MAPRE2: variants seen among roughly 807,000 people sequenced by gnomAD.
MAPRE2 encodes the protein microtubule-associated protein RP/EB family member 2.
A neutral mutation model predicts 43.2 loss-of-function variants in MAPRE2; 13 were observed. That is an observed-to-expected ratio of 0.30 (90% CI 0.20 to 0.48). The LOEUF (loss-of-function observed/expected upper bound fraction) is 0.48, where lower values mean the gene tolerates loss of function less well. MAPRE2 is among the 20% of genes least tolerant of loss of function. The pLI, the probability that MAPRE2 is intolerant of heterozygous loss-of-function variation, is 0.99. For missense variants in MAPRE2, 161 were observed against 400.2 expected (o/e 0.40, Z 5.10); for synonymous variants, 135 against 148.8 (o/e 0.91, Z 0.68).
chr18:35,046,554 G>T (rs1322368067), intron 1 of MAPRE2, among the ~76,000 whole-genome samples: 1 of 152,204 alleles, frequency 6.6e-6, no homozygotes, highest in East Asian at 1.9e-4. Context: ...AAGCAGGCGG[G>T]GTAGTTGGAA....
chr18:35,042,895 T>G (rs1362234521), intron 1 of MAPRE2, among the ~76,000 whole-genome samples: 2 of 149,930 alleles, frequency 1.3e-5, no homozygotes, highest in African/African-American at 5.0e-5. Flanking sequence ...CCTTTCTCTT[T>G]GGCCAAAGAA....
chr18:35,047,880 G>A (rs1174416865), intron 1 of MAPRE2, among the ~76,000 whole-genome samples: 1 of 152,166 alleles, frequency 6.6e-6, no homozygotes, highest in Non-Finnish European at 1.5e-5. Flanking sequence ...ACAGCTTTGA[G>A]TGATGGTGTC....
rs1910640411 is a variant in MAPRE2 at position 35,141,578 on chromosome 18, CATT to C, written c.*1211_*1213del. The C allele has an allele frequency of 6.6e-6, 1 of 152,216 alleles. No homozygotes were observed. The highest frequency in any genetic ancestry group is 2.1e-4 in the South Asian group (1 of 4,834). The allele number at this position is 152,216 out of a possible 1,614,324, so 9.4% of individuals were successfully genotyped here. ...CATGGCAATTCATAAATAGAGGAAA[CATT>C]AATGAATTAAAAGCATTCCTTATTT... On this transcript the variant is annotated 3_prime_UTR_variant, in exon 7 of 7. Transcript: ENST00000300249.
At chr18:35,133,522 A>G (rs991226206) in intron 6 of MAPRE2, among the ~76,000 whole-genome samples, 11 of 152,090 alleles carry the variant, frequency 7.2e-5, no homozygotes, top group African/African-American at 2.7e-4. Context: ...TTCTCTTCAC[A>G]AGCTTATTTG....
intron 2 of MAPRE2, among the ~76,000 whole-genome samples, chr18:35,079,358 T>C (rs541798124): frequency 1.3e-5 from 2 of 152,314 alleles, no homozygotes; most frequent in African/African-American, 4.8e-5. Flanking sequence ...TTTAATCCAG[T>C]TCAATAAACC....
At chr18:35,132,918 G>C (rs1305968767) in intron 6 of MAPRE2, among the ~76,000 whole-genome samples, 1 of 152,202 alleles carries the variant, frequency 6.6e-6, no homozygotes, top group African/African-American at 2.4e-5. Context: ...AGGAGAGAGA[G>C]GCCCAGCAGC....
intron 1 of MAPRE2, among the ~76,000 whole-genome samples, chr18:34,985,758 T>G (rs1048548572): frequency 3.7e-5 from 5 of 135,488 alleles, no homozygotes; most frequent in Non-Finnish European, 6.1e-5. Flanking sequence ...ATGTAATATA[T>G]AAAATATATT....
At chr18:35,020,472 C>T (rs749551229) in intron 2 of MAPRE2, among the ~76,000 whole-genome samples, 4 of 151,538 alleles carry the variant, frequency 2.6e-5, no homozygotes, top group African/African-American at 7.3e-5. Context: ...AACATTACTT[C>T]GGTTTATAAG....
At chr18:35,070,047 G>A in intron 1 of MAPRE2, 148 bp from the exon 2 acceptor site, 3 of 480,906 alleles carry the variant, frequency 6.2e-6, no homozygotes, top group Non-Finnish European at 1.1e-5. Flanking sequence ...ATGCAAATAT[G>A]TAAAATAGAA....
At chr18:35,126,486 G>A (rs954717365) in intron 4 of MAPRE2, among the ~76,000 whole-genome samples, 13 of 152,310 alleles carry the variant, frequency 8.5e-5, no homozygotes, top group African/African-American at 2.9e-4. Flanking sequence ...TACTTTAGTG[G>A]CTAAAGCTAG....
chr18:35,130,872 G>A (rs1910115238), intron 5 of MAPRE2, among the ~76,000 whole-genome samples: 1 of 152,158 alleles, frequency 6.6e-6, no homozygotes, highest in Non-Finnish European at 1.5e-5. Flanking sequence ...AGCTCTGGGT[G>A]TCCGAGTTCT....
Position 35,140,438 on chromosome 18 carries a change from G to A in MAPRE2, c.*69G>A. 1 of 1,428,100 alleles carries A rather than the reference G, an allele frequency of 7.0e-7. No homozygotes were observed. The highest frequency in any genetic ancestry group is 9.6e-7 in the Non-Finnish European group (1 of 1,038,806). The allele number at this position is 1,428,100 out of a possible 1,614,324, so 88.5% of individuals were successfully genotyped here. On this transcript the variant is annotated 3_prime_UTR_variant, in exon 7 of 7. Transcript: ENST00000300249. Reference sequence around the variant, plus strand: ...TTTCTTCTGGAGAATTGGAACATGTGTGGCCCCAAGCTCAACAGAAACCAG... The same window carrying A: ...TTTCTTCTGGAGAATTGGAACATGTATGGCCCCAAGCTCAACAGAAACCAG...
chr18:35,136,102 T>A (rs771589002), intron 6 of MAPRE2, among the ~76,000 whole-genome samples: 7 of 152,184 alleles, frequency 4.6e-5, no homozygotes, highest in Non-Finnish European at 1.0e-4. Context: ...GGTGGGAGTT[T>A]TGAGCAGAAA....
upstream of MAPRE2, among the ~76,000 whole-genome samples, chr18:35,038,915 C>G (rs569460493): frequency 6.6e-6 from 1 of 152,176 alleles, no homozygotes; most frequent in African/African-American, 2.4e-5. Flanking sequence ...GCCCTTGGGG[C>G]CCTTCACCTG....
At chr18:35,056,045 A>G (rs1167128788) in intron 1 of MAPRE2, among the ~76,000 whole-genome samples, 1 of 151,696 alleles carries the variant, frequency 6.6e-6, no homozygotes, top group Non-Finnish European at 1.5e-5. Context: ...TTTATTTTTT[A>G]TCTGTATTTT....
chr18:35,038,717 C>G (rs573588001), upstream of MAPRE2, among the ~76,000 whole-genome samples: 1 of 152,298 alleles, frequency 6.6e-6, no homozygotes, highest in South Asian at 2.1e-4. Context: ...TTCCCTAGGG[C>G]TCAGCTGGAA....
At chr18:35,098,741 A>G (rs1293559520) in intron 3 of MAPRE2, among the ~76,000 whole-genome samples, 2 of 152,232 alleles carry the variant, frequency 1.3e-5, no homozygotes, top group Non-Finnish European at 2.9e-5. Flanking sequence ...TCTAGATTAG[A>G]AAGAAAAGAA....
chr18:35,101,718 C>T (rs909235700), intron 3 of MAPRE2, among the ~76,000 whole-genome samples: 40 of 152,278 alleles, frequency 2.6e-4, no homozygotes, highest in African/African-American at 8.4e-4. Flanking sequence ...ATGACTGCGA[C>T]TCATTCTTTT....
intron 6 of MAPRE2, among the ~76,000 whole-genome samples, chr18:35,138,652 C>T (rs1181490043): frequency 1.3e-5 from 2 of 152,150 alleles, no homozygotes; most frequent in African/African-American, 2.4e-5. Context: ...AACTCATTAA[C>T]TCCTCTGTTG....
Sources: allele counts gnomAD v4.1 joint callset (sites outside exome capture counted in the v4.1 genomes callset), GRCh38; gene constraint gnomAD v4.1.1; transcripts MANE v1.5; gene names NCBI Gene and HGNC (gene_info 2026-07-23, HGNC 2026-07-21).